Variants in KLKB1 observed in about 807,000 individuals in gnomAD.
The protein encoded by KLKB1 is kallikrein B1.
Under a neutral mutation model 73.6 loss-of-function variants are expected in KLKB1, and 58 were observed. The ratio of observed to expected loss-of-function variants is 0.79; its 90% CI spans 0.64 to 0.98. The LOEUF (loss-of-function observed/expected upper bound fraction) is 0.98. Among genes scored for constraint, KLKB1 ranks in the 50% least tolerant of loss-of-function variants. The probability of loss-of-function intolerance (pLI) is 0.00; values close to 1 mark genes in which losing one functional copy is unlikely to be tolerated. For synonymous variants in KLKB1, 280 were observed against 258.1 expected (o/e 1.08, Z -0.81); for missense variants, 737 against 763.8 (o/e 0.96, Z 0.41).
chr4:186,228,079 T>C lies in KLKB1; in HGVS notation c.-1-116T>C, dbSNP rs4253241. ...AACCCTTGTTTTCTATACCAGTAAT[T>C]GTGTGCTTTGTCTTGCAATTCAGAC... On this transcript the variant is annotated intron_variant, in intron 1 of 14. Coordinates refer to ENST00000264690, the MANE Select transcript of KLKB1 (RefSeq NM_000892.5). 0.12 allele frequency: 83,304 copies of C among 703,218 alleles called. 5,418 individuals carry two copies. Among genetic ancestry groups the C allele is most frequent in the South Asian group, 0.18 (11,709 of 63,806 alleles). The allele number at this position is 703,218 out of a possible 1,614,324, so 43.6% of individuals were successfully genotyped here.
intron 4 of KLKB1, among the ~76,000 whole-genome samples, chr4:186,236,029 G>C (rs867992142): frequency 6.6e-6 from 1 of 151,264 alleles, no homozygotes. Flanking sequence ...CAGGAGAATG[G>C]CGTGAACCCG....
At chr4:186,237,821 A>G (rs576027251) in intron 5 of KLKB1, among the ~76,000 whole-genome samples, 6 of 150,414 alleles carry the variant, frequency 4.0e-5, no homozygotes, top group Admixed American at 3.3e-4. Flanking sequence ...CCCCCTTCCC[A>G]CCTCTCTGTC....
intron 7 of KLKB1, 177 bp downstream of exon 7, chr4:186,250,579 T>C (rs1280608004): frequency 1.4e-6 from 1 of 720,164 alleles, no homozygotes; most frequent in Non-Finnish European, 2.5e-6. Context: ...AGTTAAGAGA[T>C]TAGCAGACTT....
At chr4:186,223,196 G>A (rs1442869143), upstream of KLKB1, among the ~76,000 whole-genome samples, 1 of 152,188 alleles carries the variant, frequency 6.6e-6, no homozygotes, top group Non-Finnish European at 1.5e-5. Context: ...AAATTACCCA[G>A]TCTCAGGTGA....
At chr4:186,239,946 C>A (rs2126645462) in intron 6 of KLKB1, among the ~76,000 whole-genome samples, 1 of 142,736 alleles carries the variant, frequency 7.0e-6, no homozygotes, top group African/African-American at 2.6e-5. Flanking sequence ...TTATAGGAAA[C>A]TAGTACAGTG....
chr4:186,218,846 T>C (rs1187216516), intron 2 of KLKB1, among the ~76,000 whole-genome samples: 1 of 152,080 alleles, frequency 6.6e-6, no homozygotes, highest in African/African-American at 2.4e-5. Flanking sequence ...CAAGGTGAAG[T>C]CCCACAATAG....
intron 6 of KLKB1, among the ~76,000 whole-genome samples, chr4:186,248,109 A>C (rs975701526): frequency 1.3e-5 from 2 of 152,130 alleles, no homozygotes; most frequent in Admixed American, 6.5e-5. Flanking sequence ...TTAGCTGGGC[A>C]TGATGGCAGA....
chr4:186,221,699 A>T (rs1356535260), upstream of KLKB1, among the ~76,000 whole-genome samples: 1 of 152,174 alleles, frequency 6.6e-6, no homozygotes, highest in African/African-American at 2.4e-5. Flanking sequence ...GATGTTTTCC[A>T]TGGCCTAACA....
intron 2 of KLKB1, among the ~76,000 whole-genome samples, chr4:186,219,270 A>G (rs766377587): frequency 1.3e-5 from 2 of 152,124 alleles, no homozygotes; most frequent in Non-Finnish European, 2.9e-5. Flanking sequence ...TCAAGCCGAC[A>G]CTCAATATTA....
chr4:186,226,266 C>T (rs1047178365), upstream of KLKB1, among the ~76,000 whole-genome samples: 9 of 152,072 alleles, frequency 5.9e-5, no homozygotes, highest in Admixed American at 5.2e-4. Flanking sequence ...TAAAGATCTC[C>T]ATTTCTTTAG....
chr4:186,244,433 G>A (rs1738218233), intron 6 of KLKB1, among the ~76,000 whole-genome samples: 1 of 152,212 alleles, frequency 6.6e-6, no homozygotes, highest in Non-Finnish European at 1.5e-5. Context: ...AATGGATGAG[G>A]AAGAAATTTG....
chr4:186,217,089 T>C (rs1736922790), intron 2 of KLKB1, among the ~76,000 whole-genome samples: 1 of 152,236 alleles, frequency 6.6e-6, no homozygotes, highest in South Asian at 2.1e-4. Flanking sequence ...TTAGTTCTGA[T>C]TTGGTTCACC....
At chr4:186,213,652 C>T (rs1040544686) in intron 2 of KLKB1, among the ~76,000 whole-genome samples, 2 of 152,190 alleles carry the variant, frequency 1.3e-5, no homozygotes, top group African/African-American at 4.8e-5. Context: ...TCACTGGTCC[C>T]AGGGATTTAG....
chr4:186,232,828 A>G (rs1271750154), intron 3 of KLKB1, among the ~76,000 whole-genome samples: 3 of 152,100 alleles, frequency 2.0e-5, no homozygotes, highest in Admixed American at 2.0e-4. Context: ...GATGCTATGT[A>G]TGGTGTGTGT....
At chr4:186,212,355 G>A (rs1736750326) in intron 2 of KLKB1, 2 of 152,066 alleles carry the variant, frequency 1.3e-5, no homozygotes, top group East Asian at 1.9e-4. Context: ...ACTTAGTTTA[G>A]GGTTAGATCT....
At chr4:186,254,454 G>A (rs867695382) in intron 11 of KLKB1, 134 bp from the exon 12 acceptor site, 1 of 765,186 alleles carries the variant, frequency 1.3e-6, no homozygotes. Context: ...ATTACCAGAA[G>A]GAGGAATTAG....
intron 6 of KLKB1, among the ~76,000 whole-genome samples, chr4:186,246,860 C>T (rs1738382514): frequency 6.6e-6 from 1 of 152,182 alleles, no homozygotes; most frequent in Admixed American, 6.5e-5. Flanking sequence ...AGTGATTAAA[C>T]AGCAAGGAAA....
chr4:186,236,806 A>G lies in KLKB1; in HGVS notation c.354A>G (p.Gly118=), dbSNP rs112767656. ...CTTGCCATCGAGACATTTATAAAGG[A>G]GTTGATATGAGAGGAGTCAATTTTA... ...ISACHRDIYK[G]VDMRGVNFNV... is the part of the protein sequence containing the mutation. The change falls in exon 5 of 15, where the codon GGA becomes GGG. Residue 118 remains glycine, a synonymous_variant. Coordinates refer to ENST00000264690, the MANE Select transcript of KLKB1 (RefSeq NM_000892.5). The G allele has an allele frequency of 8.4e-5, 135 of 1,613,832 alleles. 3 individuals carry two copies. In the African/African-American group the frequency reaches 1.3e-3, roughly 15 times the overall value.
chr4:186,255,484 T>C (rs1246530239), intron 12 of KLKB1, among the ~76,000 whole-genome samples: 1 of 152,184 alleles, frequency 6.6e-6, no homozygotes, highest in Non-Finnish European at 1.5e-5. Flanking sequence ...AGAGGATCTC[T>C]TGAGCCCAGG....
Sources: allele counts gnomAD v4.1 joint callset (sites outside exome capture counted in the v4.1 genomes callset), GRCh38; gene constraint gnomAD v4.1.1; transcripts MANE v1.5; gene names NCBI Gene and HGNC (gene_info 2026-07-23, HGNC 2026-07-21).